The following GRM7 variants were observed in gnomAD, a reference collection of about 807,000 sequenced individuals.
GRM7 encodes glutamate metabotropic receptor 7, also known as metabotropic glutamate receptor 7.
A neutral mutation model predicts 84.5 loss-of-function variants in GRM7; 35 were observed. That is an observed-to-expected ratio of 0.41 (90% CI 0.32 to 0.55). The LOEUF is 0.55. Ranked by LOEUF, GRM7 falls within the 20% of genes least tolerant of loss-of-function variation. The pLI, the probability that GRM7 is intolerant of heterozygous loss-of-function variation, is 0.19. For missense variants in GRM7, 1,003 were observed against 1,194.6 expected, an observed-to-expected ratio of 0.84 and a Z score of 2.36; for synonymous variants, 487 against 455.1, an observed-to-expected ratio of 1.07 and a Z score of -0.89.
chr3:7,525,806 T>C (rs537913509), intron 7 of GRM7, among the ~76,000 whole-genome samples: 1 of 152,146 alleles, frequency 6.6e-6, no homozygotes, highest in Non-Finnish European at 1.5e-5. Flanking sequence ...GAACATGTGA[T>C]ATTTGGTTTT....
chr3:7,455,869 CTT>C (rs1697987722), intron 6 of GRM7, among the ~76,000 whole-genome samples: 1 of 152,014 alleles, frequency 6.6e-6, no homozygotes, highest in Non-Finnish European at 1.5e-5. Context: ...TTAAAAAACT[CTT>C]TACTTTTTTC....
At chr3:7,638,134 C>T (rs916231804) in intron 8 of GRM7, among the ~76,000 whole-genome samples, 2 of 152,020 alleles carry the variant, frequency 1.3e-5, no homozygotes, top group Non-Finnish European at 2.9e-5. Context: ...TTCCACACTT[C>T]CTTTAATAGG....
At chr3:6,970,213 G>GTTCCCAA in intron 1 of GRM7, among the ~76,000 whole-genome samples, 1 of 151,974 alleles carries the variant, frequency 6.6e-6, no homozygotes, top group Non-Finnish European at 1.5e-5. Context: ...ACTGCTCCAA[G>GTTCCCAA]ACTTTCCCTT....
chr3:7,493,783 A>T (rs1699606573), intron 7 of GRM7, among the ~76,000 whole-genome samples: 1 of 151,950 alleles, frequency 6.6e-6, no homozygotes, highest in East Asian at 1.9e-4. Flanking sequence ...TGTTACTTGA[A>T]CATTTTTTAG....
intron 4 of GRM7, among the ~76,000 whole-genome samples, chr3:7,309,348 A>T (rs955342619): frequency 2.0e-5 from 3 of 152,222 alleles, no homozygotes; most frequent in African/African-American, 4.8e-5. Flanking sequence ...TATGTGGGCA[A>T]GTAAGTTTTC....
At chr3:7,499,567 C>A (rs1699816975) in intron 7 of GRM7, among the ~76,000 whole-genome samples, 1 of 152,136 alleles carries the variant, frequency 6.6e-6, no homozygotes, top group Non-Finnish European at 1.5e-5. Context: ...TGTTTATTCT[C>A]ACAAAATTCT....
At chr3:7,535,202 G>A (rs1353157021) in intron 7 of GRM7, 1 of 151,716 alleles carries the variant, frequency 6.6e-6, no homozygotes, top group African/African-American at 2.4e-5. Context: ...CAAACAATTA[G>A]TGTCTCAGGA....
chr3:7,024,624 A>G (rs1029059839), intron 1 of GRM7, among the ~76,000 whole-genome samples: 3 of 152,232 alleles, frequency 2.0e-5, no homozygotes, highest in African/African-American at 7.2e-5. Context: ...GTGACGACAC[A>G]TGACTTGGTC....
At chr3:7,472,040 G>GT (rs1187366136) in intron 7 of GRM7, among the ~76,000 whole-genome samples, 6 of 152,082 alleles carry the variant, frequency 3.9e-5, no homozygotes. Flanking sequence ...AGGTGAGTGA[G>GT]TTTTTGCTCT....
At chr3:7,583,008 T>C (rs4143517) in intron 8 of GRM7, among the ~76,000 whole-genome samples, 34,659 of 152,134 alleles carry the variant, frequency 0.23, 4,825 homozygotes, top group Non-Finnish European at 0.29. Context: ...ATTTACTTGA[T>C]TCTTAACTTC....
intron 2 of GRM7, among the ~76,000 whole-genome samples, chr3:7,200,964 A>ATT (rs71625339): frequency 0.35 from 33,863 of 97,842 alleles, 7,214 homozygotes; most frequent in African/African-American, 0.54. Context: ...ACATTTCAGA[A>ATT]TTTTTTTTTT....
At chr3:7,187,207 A>T (rs1290584815) in intron 2 of GRM7, among the ~76,000 whole-genome samples, 2 of 148,724 alleles carry the variant, frequency 1.3e-5, no homozygotes, top group Non-Finnish European at 3.0e-5. Context: ...GAGAACACAC[A>T]CACACACACA....
chr3:6,886,799 A>G (rs192163513), intron 1 of GRM7, among the ~76,000 whole-genome samples: 1 of 150,724 alleles, frequency 6.6e-6, no homozygotes, highest in African/African-American at 2.4e-5. Flanking sequence ...TAATAATAAT[A>G]AACAGTTTAA....
intron 8 of GRM7, among the ~76,000 whole-genome samples, chr3:7,604,336 C>T (rs1199870187): frequency 6.6e-6 from 1 of 152,114 alleles, no homozygotes; most frequent in Non-Finnish European, 1.5e-5. Flanking sequence ...CTTAAGTTTG[C>T]TTTGCTGGAA....
intron 5 of GRM7, among the ~76,000 whole-genome samples, chr3:7,447,014 TAA>T (rs1697545339): frequency 6.6e-6 from 1 of 151,096 alleles, no homozygotes; most frequent in African/African-American, 2.4e-5. Flanking sequence ...AACAGAAGGT[TAA>T]AAGAGTGTGC....
At chr3:7,391,191 G>C (rs927655573) in intron 4 of GRM7, among the ~76,000 whole-genome samples, 3 of 152,066 alleles carry the variant, frequency 2.0e-5, no homozygotes, top group African/African-American at 4.8e-5. Flanking sequence ...GATATTGCTT[G>C]TTATGATTTA....
intron 4 of GRM7, among the ~76,000 whole-genome samples, chr3:7,323,828 A>T (rs1476248200): frequency 1.3e-5 from 2 of 152,196 alleles, no homozygotes; most frequent in African/African-American, 4.8e-5. Context: ...GCCAGGTATT[A>T]TGAAATGTAA....
intron 4 of GRM7, among the ~76,000 whole-genome samples, chr3:7,348,085 T>A (rs984122466): frequency 6.6e-6 from 1 of 152,166 alleles, no homozygotes; most frequent in African/African-American, 2.4e-5. Flanking sequence ...TTCTGAGTTA[T>A]GGTAATGGAC....
At chr3:7,058,776 T>G (rs557385149) in intron 1 of GRM7, among the ~76,000 whole-genome samples, 102 of 151,996 alleles carry the variant, frequency 6.7e-4, no homozygotes, top group African/African-American at 2.1e-3. Flanking sequence ...TGGTTTCCAT[T>G]CCCTGGAATG....
Sources: gnomAD v4.1 joint callset for allele counts (sites outside exome capture counted in the v4.1 genomes callset) on GRCh38, gnomAD v4.1.1 for gene constraint, MANE v1.5 for transcripts, NCBI Gene and HGNC (gene_info 2026-07-23, HGNC 2026-07-21) for gene names.